The following CDH4 variants were observed in gnomAD, a reference collection of about 807,000 sequenced individuals.
The protein encoded by CDH4 is cadherin 4.
Under a neutral mutation model 86.0 loss-of-function variants are expected in CDH4, and 33 were observed. The observed-to-expected ratio is 0.38, with a 90% CI of 0.29 to 0.51. The LOEUF is 0.51. Among genes scored for constraint, CDH4 ranks in the 20% least tolerant of loss-of-function variants. The pLI is 0.86. For synonymous variants in CDH4, 555 were observed against 549.4 expected (o/e 1.01, Z -0.14); for missense variants, 1,114 against 1,307.4 (o/e 0.85, Z 2.28).
At chr20:61,880,159 T>C (rs896516366) in intron 7 of CDH4, among the ~76,000 whole-genome samples, 1 of 152,214 alleles carries the variant, frequency 6.6e-6, no homozygotes, top group Non-Finnish European at 1.5e-5. Context: ...TAGAAAGTGT[T>C]CGTCGGTGAC....
At chr20:61,554,874 GAGTA>G (rs1303096738) in intron 2 of CDH4, among the ~76,000 whole-genome samples, 1 of 134,226 alleles carries the variant, frequency 7.5e-6, no homozygotes, top group Non-Finnish European at 1.5e-5. Flanking sequence ...TTGTGTGTCT[GAGTA>G]AGCTCACGTT....
chr20:61,860,088 C>A (rs1459281797), intron 6 of CDH4, among the ~76,000 whole-genome samples: 2 of 152,252 alleles, frequency 1.3e-5, no homozygotes, highest in Non-Finnish European at 2.9e-5. Context: ...TATGTGGCTC[C>A]CGGCAGTGAC....
intron 2 of CDH4, among the ~76,000 whole-genome samples, chr20:61,617,330 C>T (rs558248108): frequency 6.6e-6 from 1 of 152,268 alleles, no homozygotes; most frequent in South Asian, 2.1e-4. Flanking sequence ...GGGCAGTGCT[C>T]AGTGAGCAGT....
At chr20:61,727,119 C>T (rs1312061405) in intron 2 of CDH4, among the ~76,000 whole-genome samples, 1 of 151,798 alleles carries the variant, frequency 6.6e-6, no homozygotes, top group African/African-American at 2.4e-5. Context: ...CCATCGTTGC[C>T]ATCATCATCA....
chr20:61,855,260 C>A (rs1314742846), intron 6 of CDH4, among the ~76,000 whole-genome samples: 2 of 143,142 alleles, frequency 1.4e-5, no homozygotes, highest in Admixed American at 1.4e-4. Flanking sequence ...AGGGCTGCAG[C>A]GTGAACAGGG....
At position 61,255,364 on chromosome 20, in the gene CDH4, GC is replaced by G. The variant is rs1401506496; in HGVS notation, c.169+431del. ...AAATGTGGCATTCATTTTCATTACT[GC>G]CCCACTGACAACACGAAAACACACA... is the stretch of plus-strand genomic sequence containing the variant. On this transcript the variant is annotated intron_variant, in intron 2 of 15. Coordinates refer to ENST00000614565, the MANE Select transcript of CDH4 (RefSeq NM_001794.5). 2.0e-5 allele frequency among the ~76,000 whole-genome samples: 3 copies of G among 152,166 alleles called. No individual in the cohort carries two copies. In the East Asian group the frequency reaches 5.8e-4, roughly 29 times the overall value.
In CDH4 at chr20:61,844,813, C is replaced by T; in HGVS notation, c.722C>T (p.Ala241Val). ...VTRPMDREEH[A>V]SYHLRAHAVD... ...AGGCCCATGGACCGGGAGGAGCACG[C>T]CTCTTACCACGTGAGTGTCCACACC... The change falls in exon 5 of 16, where the codon GCC becomes GTC. Residue 241 changes from alanine to valine, a missense_variant. Transcript: ENST00000614565. The T allele has an allele frequency of 6.2e-7, 1 of 1,612,112 alleles. No individual in the cohort carries two copies. The highest frequency in any genetic ancestry group is 8.5e-7 in the Non-Finnish European group (1 of 1,178,714).
chr20:61,294,038 G>A (rs2084338145), intron 2 of CDH4, among the ~76,000 whole-genome samples: 1 of 152,168 alleles, frequency 6.6e-6, no homozygotes, highest in Non-Finnish European at 1.5e-5. Context: ...GAAGGCCCCG[G>A]CAGGACAGGT....
At chr20:61,723,175 C>T (rs111355489) in intron 2 of CDH4, among the ~76,000 whole-genome samples, 5,200 of 152,278 alleles carry the variant, frequency 0.034, 279 homozygotes, top group African/African-American at 0.12. Context: ...CCGAAGAAGT[C>T]CTCAGCAATA....
chr20:61,892,536 G>T (rs1984869682), intron 7 of CDH4, among the ~76,000 whole-genome samples: 1 of 152,178 alleles, frequency 6.6e-6, no homozygotes, highest in African/African-American at 2.4e-5. Context: ...GGCTGGGAGA[G>T]AATTCCATGG....
chr20:61,270,375 G>A (rs917289579), intron 2 of CDH4, among the ~76,000 whole-genome samples: 1 of 152,208 alleles, frequency 6.6e-6, no homozygotes, highest in African/African-American at 2.4e-5. Flanking sequence ...CAGATACAAA[G>A]AAGGGATTAT....
chr20:61,744,798 G>C (rs924804104), intron 3 of CDH4, among the ~76,000 whole-genome samples: 16 of 152,304 alleles, frequency 1.1e-4, no homozygotes, highest in African/African-American at 3.6e-4. Context: ...AACAACCTGC[G>C]TTCATCCCCA....
At chr20:61,922,606 C>T (rs1451118374) in intron 9 of CDH4, among the ~76,000 whole-genome samples, 4 of 152,228 alleles carry the variant, frequency 2.6e-5, no homozygotes, top group Admixed American at 2.0e-4. Flanking sequence ...AAGGTGCCGG[C>T]AGGAACGGTC....
intron 6 of CDH4, among the ~76,000 whole-genome samples, chr20:61,870,531 C>T (rs1600725421): frequency 6.6e-6 from 1 of 152,174 alleles, no homozygotes; most frequent in African/African-American, 2.4e-5. Flanking sequence ...TTCTGCATGT[C>T]CCTGCCATCA....
chr20:61,696,882 A>T (rs1011311179), intron 2 of CDH4, among the ~76,000 whole-genome samples: 1 of 152,202 alleles, frequency 6.6e-6, no homozygotes, highest in Non-Finnish European at 1.5e-5. Context: ...CCTAAATCCA[A>T]TGGCAGGGGT....
intron 2 of CDH4, among the ~76,000 whole-genome samples, chr20:61,343,762 C>T (rs186170597): frequency 1.3e-5 from 2 of 152,202 alleles, no homozygotes; most frequent in Admixed American, 1.3e-4. Flanking sequence ...GAGCACTTTT[C>T]CCGGCTCATA....
chr20:61,580,646 G>C (rs1215364479), intron 2 of CDH4, among the ~76,000 whole-genome samples: 1 of 152,154 alleles, frequency 6.6e-6, no homozygotes, highest in African/African-American at 2.4e-5. Context: ...CTCTAGGGGG[G>C]GAAATTAGCC....
intron 2 of CDH4, among the ~76,000 whole-genome samples, chr20:61,593,697 G>A (rs6061658): frequency 0.039 from 5,997 of 152,104 alleles, 379 homozygotes; most frequent in African/African-American, 0.14. Context: ...CTCTGGGGAC[G>A]AGGTCTGTGG....
chr20:61,430,654 C>T (rs868569084), intron 2 of CDH4, among the ~76,000 whole-genome samples: 3 of 152,188 alleles, frequency 2.0e-5, no homozygotes, highest in South Asian at 4.1e-4. Context: ...CCAGCCTCGC[C>T]GGTGACAGAT....
Sources: gnomAD v4.1 joint callset for allele counts (sites outside exome capture counted in the v4.1 genomes callset) on GRCh38, gnomAD v4.1.1 for gene constraint, MANE v1.5 for transcripts, NCBI Gene and HGNC (gene_info 2026-07-23, HGNC 2026-07-21) for gene names.